Variants in TTC39C observed in about 807,000 individuals in gnomAD.
TTC39C encodes tetratricopeptide repeat domain 39C.
A neutral mutation model predicts 76.3 loss-of-function variants in TTC39C; 33 were observed. The ratio of observed to expected loss-of-function variants is 0.43; its 90% CI spans 0.33 to 0.58. TTC39C has a LOEUF of 0.58. Among genes scored for constraint, TTC39C ranks in the 20% least tolerant of loss-of-function variants. The pLI is 0.04. For synonymous variants in TTC39C, 254 were observed against 260.6 expected (o/e 0.97, Z 0.24); for missense variants, 595 against 701.4 (o/e 0.85, Z 1.71).
intron 6 of TTC39C, chr18:24,113,507 C>A: frequency 2.9e-6 from 2 of 690,538 alleles, no homozygotes; most frequent in Non-Finnish European, 5.3e-6. Flanking sequence ...GAGAAAGCAG[C>A]AGGAGACGCA....
intron 1 of TTC39C, among the ~76,000 whole-genome samples, chr18:24,063,319 A>G (rs1444520856): frequency 3.3e-5 from 5 of 152,194 alleles, no homozygotes; most frequent in South Asian, 2.1e-4. Context: ...TTGATGAGTA[A>G]GTGTGTGAAG....
intron 1 of TTC39C, among the ~76,000 whole-genome samples, chr18:24,043,412 C>T (rs1755378929): frequency 6.6e-6 from 1 of 152,154 alleles, no homozygotes; most frequent in South Asian, 2.1e-4. Flanking sequence ...CCTACCCCTC[C>T]TTTCCCCATC....
chr18:24,114,744 G>C, intron 7 of TTC39C, 97 bp downstream of exon 7: 1 of 862,600 alleles, frequency 1.2e-6, no homozygotes, highest in African/African-American at 1.7e-5. Flanking sequence ...CAAAATGCTT[G>C]GTGCCTTCTG....
intron 1 of TTC39C, among the ~76,000 whole-genome samples, chr18:24,020,949 A>G (rs966322563): frequency 6.6e-6 from 1 of 152,140 alleles, no homozygotes; most frequent in Non-Finnish European, 1.5e-5. Context: ...AGCACTTTCT[A>G]TTCTAGTTAC....
chr18:24,101,963 C>T (rs2084681634), intron 6 of TTC39C, among the ~76,000 whole-genome samples: 1 of 152,286 alleles, frequency 6.6e-6, no homozygotes, highest in African/African-American at 2.4e-5. Flanking sequence ...GTGGAGAGAG[C>T]ACTAGGCTCA....
In TTC39C at chr18:24,067,832, C is replaced by T. The variant is rs1241845925; in HGVS notation, c.346-1325C>T. On this transcript the variant is annotated intron_variant, in intron 3 of 13. Coordinates refer to ENST00000317571, the MANE Select transcript of TTC39C (RefSeq NM_001135993.2). ...GGTGGCCCCTCTCACCAGCCATTGC[C>T]ATTATAATAAAGTACAGACTTCTTA... Among the ~76,000 whole-genome samples, 6 of 152,270 alleles carry T rather than the reference C, an allele frequency of 3.9e-5. No individual in the cohort carries two copies. In the East Asian group the frequency reaches 1.2e-3, roughly 29 times the overall value.
At chr18:24,083,144 T>G (rs1261710988) in intron 6 of TTC39C, 63 bp downstream of exon 6, 2 of 1,498,750 alleles carry the variant, frequency 1.3e-6, no homozygotes, top group Non-Finnish European at 1.8e-6. Context: ...TGATTCTCAC[T>G]TGAGGACTGG....
At chr18:24,016,241 C>T (rs2083453688) in intron 1 of TTC39C, among the ~76,000 whole-genome samples, 1 of 152,184 alleles carries the variant, frequency 6.6e-6, no homozygotes. Flanking sequence ...AAAACAACTT[C>T]GCTTTACTTA....
chr18:24,018,203 C>T (rs2083476894), intron 1 of TTC39C, among the ~76,000 whole-genome samples: 1 of 152,176 alleles, frequency 6.6e-6, no homozygotes, highest in African/African-American at 2.4e-5. Context: ...TGCTGAGCCA[C>T]CATTATGCAC....
chr18:24,018,806 T>C lies in TTC39C; in HGVS notation c.167+3768T>C, dbSNP rs1417385596. On this transcript the variant is annotated intron_variant, in intron 1 of 13. Coordinates refer to ENST00000317571, the MANE Select transcript of TTC39C (RefSeq NM_001135993.2). ...ACCCACGTGGAGACATGAAATGACA[T>C]TGGGAAAAGAGTGGTCAGAACTGCA... Among the ~76,000 whole-genome samples, 4 of 152,068 alleles carry C rather than the reference T, an allele frequency of 2.6e-5. No individual in the cohort carries two copies. In the East Asian group the frequency reaches 7.7e-4, roughly 29 times the overall value.
At chr18:24,023,965 TATATATATATATATAC>T (rs1568408845) in intron 1 of TTC39C, among the ~76,000 whole-genome samples, 8 of 10,530 alleles carry the variant, frequency 7.6e-4, no homozygotes, top group Non-Finnish European at 1.4e-3. Flanking sequence ...TATATATATA[TATATATATATATATAC>T]ATATATATAT....
At chr18:24,020,338 G>A in intron 1 of TTC39C, 1 of 985,326 alleles carries the variant, frequency 1.0e-6, no homozygotes, top group Non-Finnish European at 1.2e-6. Context: ...AATAATAGGA[G>A]AGTTTGGAGG....
intron 1 of TTC39C, among the ~76,000 whole-genome samples, chr18:24,033,073 C>T (rs922010319): frequency 2.2e-4 from 34 of 152,062 alleles, no homozygotes; most frequent in Middle Eastern, 3.2e-3. Context: ...GCCAACATGG[C>T]GAGAGCCTGT....
chr18:24,068,431 C>T (rs992349672), intron 3 of TTC39C, among the ~76,000 whole-genome samples: 9 of 152,184 alleles, frequency 5.9e-5, no homozygotes, highest in Admixed American at 6.5e-5. Context: ...TCTATTATTT[C>T]ATCTGTCATT....
At chr18:24,065,917 TAA>T in intron 2 of TTC39C, 93 bp from the exon 3 acceptor site, 1 of 1,263,376 alleles carries the variant, frequency 7.9e-7, no homozygotes, top group South Asian at 1.6e-5. Flanking sequence ...ATAAATAATT[TAA>T]GTGTTTTTTT....
intron 1 of TTC39C, among the ~76,000 whole-genome samples, chr18:23,999,608 CT>C (rs35700844): frequency 0.53 from 80,288 of 152,140 alleles, 26,209 homozygotes; most frequent in Non-Finnish European, 0.74. Context: ...AGCCGGTGCC[CT>C]GTGCTAGGGC....
At chr18:24,071,637 A>G (rs1052991533) in intron 4 of TTC39C, among the ~76,000 whole-genome samples, 1 of 152,182 alleles carries the variant, frequency 6.6e-6, no homozygotes, top group Non-Finnish European at 1.5e-5. Flanking sequence ...ATTTTAAATA[A>G]TAGTGTGTTA....
At chr18:24,131,712 CA>C (rs11307092) in intron 12 of TTC39C, among the ~76,000 whole-genome samples, 169 bp from the exon 13 acceptor site, 66,316 of 122,168 alleles carry the variant, frequency 0.54, 17,325 homozygotes, top group Non-Finnish European at 0.66. Context: ...AACTCCATCT[CA>C]AAAAAAAAAA....
chr18:24,131,925 A>G lies in TTC39C; in HGVS notation c.1662+5A>G. On this transcript the variant is annotated splice_donor_5th_base_variant and intron_variant, in intron 13 of 13. Transcript: ENST00000317571. ...GCTCTACTTCTTCAAGCAAAGGTAAATATCCTGAATCTACCTTTCTCCAGT... is the reference window on the plus strand; with the variant it reads ...GCTCTACTTCTTCAAGCAAAGGTAAGTATCCTGAATCTACCTTTCTCCAGT... 1 of 1,612,976 alleles carries G rather than the reference A, an allele frequency of 6.2e-7. No individual in the cohort carries two copies. Among genetic ancestry groups the G allele is most frequent in the Non-Finnish European group, 8.5e-7 (1 of 1,179,534 alleles).
Sources: allele counts gnomAD v4.1 joint callset (sites outside exome capture counted in the v4.1 genomes callset), GRCh38; gene constraint gnomAD v4.1.1; transcripts MANE v1.5; gene names NCBI Gene and HGNC (gene_info 2026-07-23, HGNC 2026-07-21).